The following SH3GL1 variants were observed in gnomAD, a reference collection of about 807,000 sequenced individuals.
The protein encoded by SH3GL1 is SH3 domain containing GRB2 like 1, endophilin A2.
A neutral mutation model predicts 48.8 loss-of-function variants in SH3GL1; 21 were observed. The observed-to-expected ratio is 0.43, with a 90% CI of 0.30 to 0.62. The LOEUF (loss-of-function observed/expected upper bound fraction) is 0.62, where lower values mean the gene tolerates loss of function less well. Among genes scored for constraint, SH3GL1 ranks in the 20% least tolerant of loss-of-function variants. SH3GL1 has a pLI of 0.11. For missense variants in SH3GL1, 454 were observed against 503.0 expected, an observed-to-expected ratio of 0.90 and a Z score of 0.93; for synonymous variants, 282 against 217.5, an observed-to-expected ratio of 1.30 and a Z score of -2.61.
At chr19:4,373,926 C>T (rs917383623) in intron 1 of SH3GL1, among the ~76,000 whole-genome samples, 3 of 152,342 alleles carry the variant, frequency 2.0e-5, no homozygotes, top group South Asian at 2.1e-4. Flanking sequence ...CTTGGGGGTG[C>T]GTTTCTGCCA....
intron 4 of SH3GL1, 92 bp downstream of exon 4, chr19:4,365,390 A>G: frequency 1.3e-6 from 2 of 1,535,830 alleles, no homozygotes; most frequent in Non-Finnish European, 1.8e-6. Context: ...CGTCCCCGGC[A>G]CTCAGCACAT....
Position 4,363,377 on chromosome 19 carries a change from TGA to T in SH3GL1, c.719_720del (p.Leu240GlnfsTer12). On this transcript the variant is annotated frameshift_variant, in exon 7 of 10. Transcript: ENST00000269886. LOFTEE classifies it high-confidence loss of function. ...VQILDELAEK[L>X]KRRMREASSR... ...CCAAGGCCCTGGGCTCACCTGCGCTTGAGCTTCTCCGCCAGCTCGTCCAGGAT... is the reference window on the plus strand; with the variant it reads ...CCAAGGCCCTGGGCTCACCTGCGCTTGCTTCTCCGCCAGCTCGTCCAGGAT... 6.2e-7 allele frequency: 1 copy of T among 1,603,316 alleles called. No homozygotes were observed. Among genetic ancestry groups the T allele is most frequent in the East Asian group, 2.3e-5 (1 of 44,106 alleles).
chr19:4,371,938 G>C (rs940123775), intron 1 of SH3GL1, among the ~76,000 whole-genome samples: 1 of 152,210 alleles, frequency 6.6e-6, no homozygotes, highest in African/African-American at 2.4e-5. Flanking sequence ...AGGTGGGCAC[G>C]GCTGGTCAAC....
At chr19:4,393,746 C>T (rs377562030) in intron 1 of SH3GL1, among the ~76,000 whole-genome samples, 3 of 151,956 alleles carry the variant, frequency 2.0e-5, no homozygotes, top group South Asian at 2.1e-4. Context: ...GCAGAGATCG[C>T]GCCACTGCAC....
Position 4,400,270 on chromosome 19 carries a change from T to A in SH3GL1, c.45+54A>T. Reference sequence around the variant, plus strand: ...CCGGGCCAGGTCGGGCCTGGCTCCCTCATCCGGGCAGCCCGGGGCCCGGTA... The same window carrying A: ...CCGGGCCAGGTCGGGCCTGGCTCCCACATCCGGGCAGCCCGGGGCCCGGTA... On this transcript the variant is annotated intron_variant, in intron 1 of 9. Transcript: ENST00000269886. This position sits in a 1 kb window ranked among gnomAD's most constrained non-coding sequence, Gnocchi z 4.1. 1 of 1,567,052 alleles carries A rather than the reference T, an allele frequency of 6.4e-7. No homozygotes were observed. Among genetic ancestry groups the A allele is most frequent in the Non-Finnish European group, 8.6e-7 (1 of 1,157,986 alleles).
chr19:4,369,259 A>G (rs1003660468), intron 1 of SH3GL1, among the ~76,000 whole-genome samples: 4 of 152,002 alleles, frequency 2.6e-5, no homozygotes, highest in Non-Finnish European at 4.4e-5. Context: ...GTTCCACTCT[A>G]TTTCCTGGGA....
intron 3 of SH3GL1, 65 bp downstream of exon 3, chr19:4,366,436 G>T: frequency 7.6e-7 from 1 of 1,308,066 alleles, no homozygotes; most frequent in Non-Finnish European, 1.1e-6. Context: ...GTCATCCCCT[G>T]CCTTCCCTCT....
chr19:4,370,062 C>G (rs746313630), intron 1 of SH3GL1, among the ~76,000 whole-genome samples: 1 of 152,240 alleles, frequency 6.6e-6, no homozygotes, highest in Non-Finnish European at 1.5e-5. Flanking sequence ...ACGGAGGGGA[C>G]CGAGAGTCTG....
intron 1 of SH3GL1, among the ~76,000 whole-genome samples, chr19:4,370,631 G>A (rs1465656627): frequency 2.0e-5 from 3 of 152,200 alleles, no homozygotes; most frequent in Non-Finnish European, 1.5e-5. Flanking sequence ...CAACACCAGC[G>A]CCTTCTCTCC....
At chr19:4,365,691 A>G (rs752691238) in intron 3 of SH3GL1, 66 bp from the exon 4 acceptor site, 263 of 1,599,760 alleles carry the variant, frequency 1.6e-4, no homozygotes, top group Non-Finnish European at 2.1e-4. Context: ...GGCAGACTGC[A>G]GCCCCCACAT....
chr19:4,377,858 C>G (rs1056799598), intron 1 of SH3GL1, among the ~76,000 whole-genome samples: 2 of 152,232 alleles, frequency 1.3e-5, no homozygotes, highest in African/African-American at 4.8e-5. Flanking sequence ...CCCACCATCT[C>G]CCCTGCAGCG....
intron 1 of SH3GL1, among the ~76,000 whole-genome samples, chr19:4,369,434 C>T (rs538159342): frequency 2.0e-5 from 3 of 152,350 alleles, no homozygotes; most frequent in South Asian, 2.1e-4. Flanking sequence ...GAGGCCACCC[C>T]GGCCCCACGA....
At chr19:4,373,537 C>T (rs1972944139) in intron 1 of SH3GL1, among the ~76,000 whole-genome samples, 2 of 152,238 alleles carry the variant, frequency 1.3e-5, no homozygotes, top group Admixed American at 6.5e-5. Context: ...CAGACGCTGC[C>T]ACCATGGCCA....
Position 4,400,331 on chromosome 19 carries a change from G to T in SH3GL1, c.38C>A (p.Ala13Glu). The T allele has an allele frequency of 6.3e-7, 1 of 1,598,912 alleles. No individual in the cohort carries two copies. The change falls in exon 1 of 10, where the codon GCG becomes GAG. Residue 13 changes from alanine (A) to glutamate (E), a missense_variant. Ala to Glu is a moderately radical substitution (Grantham distance 107). Transcript: ENST00000269886. The surrounding 1 kb of genome is among the most constrained non-coding windows in gnomAD (Gnocchi z 4.1). ...GCCTGGGCCTGCGCTCACCTGGCTCGCCTTGTAGAACTGCTTCTTCAGCCC... is the reference window on the plus strand; with the variant it reads ...GCCTGGGCCTGCGCTCACCTGGCTCTCCTTGTAGAACTGCTTCTTCAGCCC... ...VAGLKKQFYK[A>E]SQLVSEKVGG...
rs1972750783 is a variant in SH3GL1, at chr19:4,365,346, C to T, written c.331+136G>A. The stretch of plus-strand genomic sequence containing the variant: ...GGGTTGGTCTGTGCAGTCTCCTGCA[C>T]CTCTGCAGCTGGAAAGCTGTGGGGG... On this transcript the variant is annotated intron_variant, in intron 4 of 9. Transcript: ENST00000269886. 4 of 1,211,876 alleles carry T rather than the reference C, an allele frequency of 3.3e-6. No individual in the cohort carries two copies. The South Asian group carries it at 3.7e-5, about 11-fold the overall frequency. 75.1% of individuals were successfully genotyped at this position (1,211,876 alleles called of 1,614,324 possible).
At chr19:4,377,186 TACC>T (rs895401607) in intron 1 of SH3GL1, among the ~76,000 whole-genome samples, 2 of 152,216 alleles carry the variant, frequency 1.3e-5, no homozygotes, top group Non-Finnish European at 2.9e-5. Context: ...GGGACCCAGC[TACC>T]ACATTTGGGC....
At chr19:4,368,261 C>T (rs972570578) in intron 1 of SH3GL1, among the ~76,000 whole-genome samples, 2 of 152,204 alleles carry the variant, frequency 1.3e-5, no homozygotes, top group African/African-American at 4.8e-5. Flanking sequence ...TGCCACACTG[C>T]GTTGGCTGTG....
At chr19:4,381,883 C>T (rs1409423539) in intron 1 of SH3GL1, among the ~76,000 whole-genome samples, 4 of 151,486 alleles carry the variant, frequency 2.6e-5, no homozygotes, top group South Asian at 2.1e-4. Flanking sequence ...TTAGTAGAGA[C>T]GGGGTTTCAC....
intron 1 of SH3GL1, among the ~76,000 whole-genome samples, chr19:4,378,650 G>A (rs1383904898): frequency 6.6e-6 from 1 of 152,146 alleles, no homozygotes; most frequent in Non-Finnish European, 1.5e-5. Flanking sequence ...GGGAGGCGGA[G>A]GTTGTGGTGA....
Sources: allele counts gnomAD v4.1 joint callset (sites outside exome capture counted in the v4.1 genomes callset), GRCh38; gene constraint gnomAD v4.1.1; non-coding constraint Gnocchi (gnomAD v3.1); transcripts MANE v1.5; gene names NCBI Gene and HGNC (gene_info 2026-07-23, HGNC 2026-07-21).